Variants in COL13A1 observed in about 807,000 individuals in gnomAD.
COL13A1 encodes the protein collagen alpha-1(XIII) chain.
Under a neutral mutation model 130.9 loss-of-function variants are expected in COL13A1, and 89 were observed. The ratio of observed to expected loss-of-function variants is 0.68; its 90% CI spans 0.57 to 0.81. The LOEUF is 0.81. Among genes scored for constraint, COL13A1 ranks in the 30% least tolerant of loss-of-function variants. The probability of loss-of-function intolerance (pLI) is 0.00; values close to 1 mark genes in which losing one functional copy is unlikely to be tolerated. For synonymous variants in COL13A1, 402 were observed against 341.6 expected, an observed-to-expected ratio of 1.18 and a Z score of -1.95; for missense variants, 879 against 934.6, an observed-to-expected ratio of 0.94 and a Z score of 0.78.
chr10:69,918,178 G>A (rs887724424), intron 18 of COL13A1, 107 bp from the exon 19 acceptor site: 3 of 958,624 alleles, frequency 3.1e-6, no homozygotes, highest in Non-Finnish European at 4.7e-6. Flanking sequence ...AGGAGTGAGC[G>A]GTCCTCCTTC....
intron 32 of COL13A1, among the ~76,000 whole-genome samples, 168 bp downstream of exon 32, chr10:69,935,559 A>G (rs1490545324): frequency 1.3e-5 from 2 of 152,320 alleles, no homozygotes; most frequent in East Asian, 1.9e-4. Flanking sequence ...AAACAGCACC[A>G]TACTGGGGAC....
intron 25 of COL13A1, 72 bp downstream of exon 25, chr10:69,925,079 TC>T (rs2065177379): frequency 7.2e-7 from 1 of 1,394,674 alleles, no homozygotes; most frequent in South Asian, 1.6e-5. Flanking sequence ...GAGACAGGTC[TC>T]AATTAATATT....
intron 8 of COL13A1, 66 bp downstream of exon 8, chr10:69,887,557 C>A: frequency 6.5e-7 from 1 of 1,533,980 alleles, no homozygotes; most frequent in South Asian, 1.2e-5. Context: ...GGTTAAACTT[C>A]ATCTGAGGTC....
intron 2 of COL13A1, among the ~76,000 whole-genome samples, chr10:69,864,200 T>C (rs78780126): frequency 0.089 from 13,531 of 151,730 alleles, 671 homozygotes; most frequent in Admixed American, 0.11. Context: ...TCCAAGTCTA[T>C]GGAAGGGGTG....
rs2064058452 is a variant in COL13A1 at position 69,917,387 on chromosome 10, C to T, written c.966+54C>T. The T allele has an allele frequency of 6.0e-6, 9 of 1,497,832 alleles. No homozygotes were observed. The South Asian group carries it at 8.2e-5, about 14-fold the overall frequency. 92.8% of individuals were successfully genotyped at this position (1,497,832 alleles called of 1,614,324 possible). ...AGCCCCAAGGCCCCTCCCCCAGTGC[C>T]CATCCCTCTCTCCTCAGCTCTGGGG... On this transcript the variant is annotated intron_variant, in intron 18 of 40. Coordinates refer to ENST00000645393, the MANE Select transcript of COL13A1 (RefSeq NM_001368882.1).
rs1455818785 is a variant in COL13A1, at chr10:69,928,998, A to T, written c.1484A>T (p.Lys495Met). The T allele has an allele frequency of 6.2e-7, 1 of 1,612,632 alleles. No homozygotes were observed. Among genetic ancestry groups the T allele is most frequent in the East Asian group, 2.2e-5 (1 of 44,860 alleles). The change falls in exon 28 of 41, where the codon AAG (lysine) becomes ATG (methionine). Residue 495 changes from lysine (K) to methionine (M), a missense_variant and splice_region_variant. Coordinates refer to ENST00000645393, the MANE Select transcript of COL13A1 (RefSeq NM_001368882.1). Reference protein sequence around the residue: ...PPGAPGIPGQKGEIGLPGPPG... With the variant: ...PPGAPGIPGQMGEIGLPGPPG... The stretch of plus-strand genomic sequence containing the variant: ...GGAGCTCCAGGGATTCCAGGCCAGA[A>T]GGTAAATCTTATCTTGACAAAGGGG...
intron 2 of COL13A1, among the ~76,000 whole-genome samples, chr10:69,860,134 G>T (rs1436139526): frequency 6.6e-6 from 1 of 152,180 alleles, no homozygotes; most frequent in Non-Finnish European, 1.5e-5. Context: ...TGGGGTTCCC[G>T]GCCTCAGTCT....
chr10:69,947,971 A>C (rs978642037), intron 38 of COL13A1, among the ~76,000 whole-genome samples: 1 of 152,202 alleles, frequency 6.6e-6, no homozygotes, highest in Non-Finnish European at 1.5e-5. Flanking sequence ...CACCGACCAC[A>C]GCCTTCAGCA....
intron 2 of COL13A1, among the ~76,000 whole-genome samples, chr10:69,827,330 T>C (rs769591586): frequency 2.7e-4 from 41 of 152,132 alleles, no homozygotes; most frequent in Admixed American, 1.3e-4. Context: ...CAGAGGGTGA[T>C]TGATTGGTAA....
In COL13A1 at chr10:69,872,190, A is replaced by G. The variant is rs2059139404; in HGVS notation, c.379A>G (p.Thr127Ala). 1.2e-6 allele frequency: 2 copies of G among 1,613,928 alleles called. No individual in the cohort carries two copies. The highest frequency in any genetic ancestry group is 2.2e-5 in the East Asian group (1 of 44,904). The change falls in exon 4 of 41, where the codon ACT (threonine) becomes GCT (alanine). Residue 127 changes from threonine to alanine, a missense_variant. Around this residue, in one of 3 missense-constraint regions of COL13A1, gnomAD observed 715 missense variants for 721.0 expected, o/e 0.99. Coordinates refer to ENST00000645393, the MANE Select transcript of COL13A1 (RefSeq NM_001368882.1). Reference protein sequence around the residue: ...CNCPPGPPGPTGRPGLPGDKG... With the variant: ...CNCPPGPPGPAGRPGLPGDKG... ...ACGTCACTCTTCATTTCAGGGTCCCACTGGAAGACCCGGACTCCCAGTAAG... is the reference window on the plus strand; with the variant it reads ...ACGTCACTCTTCATTTCAGGGTCCCGCTGGAAGACCCGGACTCCCAGTAAG...
At chr10:69,935,847 TA>T in intron 32 of COL13A1, among the ~76,000 whole-genome samples, 1 of 151,466 alleles carries the variant, frequency 6.6e-6, no homozygotes, top group Admixed American at 6.6e-5. Flanking sequence ...CTGTCTCTTC[TA>T]AAAATACAAA....
chr10:69,817,234 G>GGGATT (rs1378371922), intron 1 of COL13A1, among the ~76,000 whole-genome samples: 1 of 152,050 alleles, frequency 6.6e-6, no homozygotes, highest in Non-Finnish European at 1.5e-5. Context: ...TGATGAGGCA[G>GGGATT]GAAGGCAGGG....
At chr10:69,897,380 A>G in intron 13 of COL13A1, 2 of 1,282,136 alleles carry the variant, frequency 1.6e-6, no homozygotes, top group South Asian at 1.3e-5. Context: ...GAGGGAGAGG[A>G]GAGGGGTGGG....
chr10:69,896,812 C>T (rs1399595894), intron 13 of COL13A1, among the ~76,000 whole-genome samples: 2 of 152,254 alleles, frequency 1.3e-5, no homozygotes, highest in Non-Finnish European at 2.9e-5. Flanking sequence ...GAGCCACAGC[C>T]TGTCAGCGGC....
rs1197565909 is a variant in COL13A1 at position 69,925,018 on chromosome 10, C to T, written c.1329+11C>T. On this transcript the variant is annotated intron_variant, in intron 25 of 40. Coordinates refer to ENST00000645393, the MANE Select transcript of COL13A1 (RefSeq NM_001368882.1). ...CCAGATGGCCCCAAGGTATGTGCCT[C>T]TCCCTCCTGGAGTCACAGCGTGAAG... 4.5e-6 allele frequency: 7 copies of T among 1,572,920 alleles called. No individual in the cohort carries two copies. The highest frequency in any genetic ancestry group is 4.3e-6 in the Non-Finnish European group (5 of 1,160,338).
At chr10:69,880,004 T>A (rs1013257546) in intron 6 of COL13A1, among the ~76,000 whole-genome samples, 3 of 152,126 alleles carry the variant, frequency 2.0e-5, no homozygotes, top group African/African-American at 7.2e-5. Flanking sequence ...GTTCAGCAGT[T>A]GCAGGGTGTG....
At chr10:69,951,268 G>A (rs1003881752) in intron 38 of COL13A1, among the ~76,000 whole-genome samples, 1 of 152,118 alleles carries the variant, frequency 6.6e-6, no homozygotes, top group African/African-American at 2.4e-5. Flanking sequence ...TGGCTAAAAA[G>A]AAATAATGAC....
chr10:69,897,597 A>G, intron 13 of COL13A1: 1 of 1,554,676 alleles, frequency 6.4e-7, no homozygotes, highest in Non-Finnish European at 8.9e-7. Context: ...ATACAGCCCA[A>G]CATTGCACAT....
At position 69,930,011 on chromosome 10, in the gene COL13A1, C is replaced by T. The variant is rs2065896710; in HGVS notation, c.1486-32C>T. ...ACTGATGGCTGCTATGTTCTCTGCCCTGAGAGTCACCTTTAGTTGTTCCGG... is the reference window on the plus strand; with the variant it reads ...ACTGATGGCTGCTATGTTCTCTGCCTTGAGAGTCACCTTTAGTTGTTCCGG... On this transcript the variant is annotated intron_variant, in intron 28 of 40. Coordinates refer to ENST00000645393, the MANE Select transcript of COL13A1 (RefSeq NM_001368882.1). 3.1e-6 allele frequency: 5 copies of T among 1,609,566 alleles called. No individual in the cohort carries two copies. The South Asian group carries it at 4.4e-5, about 14-fold the overall frequency.
Sources: allele counts gnomAD v4.1 joint callset (sites outside exome capture counted in the v4.1 genomes callset), GRCh38; gene constraint gnomAD v4.1.1; regional missense constraint gnomAD v4.1.1; transcripts MANE v1.5; gene names NCBI Gene and HGNC (gene_info 2026-07-23, HGNC 2026-07-21).